Variants in TNRC6B observed in about 807,000 individuals in gnomAD.
The protein encoded by TNRC6B is trinucleotide repeat-containing gene 6B protein.
In TNRC6B, 52 loss-of-function variants were observed where a neutral mutation model predicts 203.6. The observed-to-expected ratio is 0.26, with a 90% confidence interval of 0.20 to 0.32. The LOEUF (loss-of-function observed/expected upper bound fraction) is 0.32. Ranked by LOEUF, TNRC6B falls within the 10% of genes least tolerant of loss-of-function variation. The pLI is 1.00. For missense variants in TNRC6B, 1,923 were observed against 2,286.2 expected (o/e 0.84, Z 3.24); for synonymous variants, 838 against 845.7 (o/e 0.99, Z 0.16).
chr22:40,319,329 C>T (rs537138549), intron 21 of TNRC6B, among the ~76,000 whole-genome samples: 6 of 150,848 alleles, frequency 4.0e-5, no homozygotes, highest in African/African-American at 1.5e-4. Context: ...GATTTCTTAC[C>T]CTTGGTCAAA....
chr22:40,135,777 C>T (rs991839868), intron 3 of TNRC6B, among the ~76,000 whole-genome samples: 6 of 152,066 alleles, frequency 3.9e-5, no homozygotes, highest in African/African-American at 1.5e-4. Flanking sequence ...GCTGAGATTA[C>T]AGATGTGAGC....
At chr22:40,085,927 G>A (rs1381772773) in intron 1 of TNRC6B, among the ~76,000 whole-genome samples, 3 of 152,078 alleles carry the variant, frequency 2.0e-5, no homozygotes, top group Non-Finnish European at 4.4e-5. Context: ...CTGTAGTGCA[G>A]TGGTACAAAC....
chr22:40,136,525 G>A lies in TNRC6B; in HGVS notation c.45+10663G>A, dbSNP rs530523819. On this transcript the variant is annotated intron_variant, in intron 3 of 23. Coordinates refer to the TNRC6B transcript ENST00000301923. ...AGGGATCCTCCTGCCTCAGCCTCCC[G>A]TGTAGCTGGGACCATAGATGCATGC... Among the ~76,000 whole-genome samples the A allele has an allele frequency of 1.1e-3, 168 of 151,680 alleles. 2 individuals carry two copies. Among genetic ancestry groups the A allele is most frequent in the Middle Eastern group, 3.4e-3 (1 of 294 alleles).
intron 15 of TNRC6B, among the ~76,000 whole-genome samples, chr22:40,305,553 C>T (rs2071078254): frequency 6.6e-6 from 1 of 152,216 alleles, no homozygotes; most frequent in African/African-American, 2.4e-5. Flanking sequence ...ATGCATCAGA[C>T]ACATTCCATA....
At chr22:40,147,924 T>A (rs1238244796) in intron 3 of TNRC6B, among the ~76,000 whole-genome samples, 1 of 152,192 alleles carries the variant, frequency 6.6e-6, no homozygotes, top group African/African-American at 2.4e-5. Context: ...GTAGTTTCTT[T>A]TGGAATGATG....
chr22:40,171,276 C>T (rs984417001), intron 4 of TNRC6B, among the ~76,000 whole-genome samples: 1 of 151,410 alleles, frequency 6.6e-6, no homozygotes, highest in African/African-American at 2.4e-5. Flanking sequence ...ATTCTCCTGC[C>T]TCAGCCTCCC....
chr22:40,283,728 A>G (rs926603727), intron 11 of TNRC6B, among the ~76,000 whole-genome samples: 12 of 152,122 alleles, frequency 7.9e-5, no homozygotes, highest in African/African-American at 2.4e-4. Flanking sequence ...CCTAAAACCT[A>G]TGGTGGGGGA....
rs775572218 is a variant in TNRC6B at position 40,321,113 on chromosome 22, G to A, written c.4998G>A (p.Thr1666=). 9.9e-6 allele frequency: 16 copies of A among 1,613,772 alleles called. No individual in the cohort carries two copies. Among genetic ancestry groups the A allele is most frequent in the African/African-American group, 2.7e-5 (2 of 74,898 alleles). ...TPQIDGSTLR[T]ICMQHGPLLT... is the part of the protein sequence containing the mutation. Reference sequence around the variant, plus strand: ...AGATTGATGGGTCAACCTTGAGAACGATCTGCATGCAGCATGGCCCACTGC... The same window carrying A: ...AGATTGATGGGTCAACCTTGAGAACAATCTGCATGCAGCATGGCCCACTGC... Residue 1666 remains threonine, a synonymous_variant, in exon 22 of 23, where the codon ACG becomes ACA. Coordinates refer to ENST00000454349, the MANE Select transcript of TNRC6B (RefSeq NM_001162501.2).
intron 12 of TNRC6B, among the ~76,000 whole-genome samples, chr22:40,290,984 T>C (rs1472768785): frequency 7.9e-5 from 12 of 152,204 alleles, no homozygotes; most frequent in Admixed American, 2.0e-4. Context: ...TTTTGAATTT[T>C]GTTTTATTTA....
At chr22:40,122,753 A>C (rs1185181103) in intron 2 of TNRC6B, among the ~76,000 whole-genome samples, 1 of 152,236 alleles carries the variant, frequency 6.6e-6, no homozygotes, top group African/African-American at 2.4e-5. Flanking sequence ...ATAAGAATTC[A>C]GAGTAGAGAA....
Position 40,266,994 on chromosome 22 carries a change from G to A in TNRC6B, c.2764G>A (p.Glu922Lys), listed in dbSNP as rs755228710. 2 of 1,610,702 alleles carry A rather than the reference G, an allele frequency of 1.2e-6. No homozygotes were observed. The highest frequency in any genetic ancestry group is 1.7e-6 in the Non-Finnish European group (2 of 1,178,312). Residue 922 changes from glutamate (E) to lysine (K), a missense_variant, in exon 5 of 23, where the codon GAA becomes AAA. This residue lies in a region of TNRC6B where 599 missense variants were observed against 656.5 expected (regional missense o/e 0.91). Transcript: ENST00000454349. Reference protein sequence around the residue: ...KNSQGGPAPREPNLPTPMTSK... With the variant: ...KNSQGGPAPRKPNLPTPMTSK... ...TTCCCAAGGGGGCCCAGCACCTCGA[G>A]AACCAAACCTGCCCACCCCAATGAC...
intron 1 of TNRC6B, among the ~76,000 whole-genome samples, chr22:40,096,714 A>T (rs997332334): frequency 3.9e-5 from 6 of 152,112 alleles, no homozygotes; most frequent in Middle Eastern, 3.2e-3. Flanking sequence ...GAATGTCTAT[A>T]AAAAAAAGTT....
At chr22:40,249,395 T>C (rs1357600791) in intron 2 of TNRC6B, among the ~76,000 whole-genome samples, 2 of 152,238 alleles carry the variant, frequency 1.3e-5, no homozygotes, top group Non-Finnish European at 2.9e-5. Context: ...CCAGTGTTCA[T>C]TGGTTGTAGC....
chr22:40,265,605 G>A lies in TNRC6B; in HGVS notation c.1375G>A (p.Gly459Arg). Residue 459 changes from glycine (G) to arginine (R), a missense_variant, in exon 5 of 23, where the codon GGA becomes AGA. Transcript: ENST00000454349. ...NGKEREDSWK[G>R]ASVQKSTGSK... The stretch of plus-strand genomic sequence containing the variant: ...AAAAGAGAGAGAGGACTCCTGGAAA[G>A]GAGCTTCTGTTCAGAAATCAACTGG... The A allele has an allele frequency of 6.2e-7, 1 of 1,613,826 alleles. No individual in the cohort carries two copies. The highest frequency in any genetic ancestry group is 8.5e-7 in the Non-Finnish European group (1 of 1,179,802).
chr22:40,226,305 G>T (rs1221889893), intron 1 of TNRC6B, among the ~76,000 whole-genome samples: 1 of 152,102 alleles, frequency 6.6e-6, no homozygotes, highest in Non-Finnish European at 1.5e-5. Context: ...ATTCAGAGTT[G>T]ATTTTCTTGT....
At chr22:40,157,991 T>G (rs999819466) in intron 4 of TNRC6B, among the ~76,000 whole-genome samples, 1 of 152,124 alleles carries the variant, frequency 6.6e-6, no homozygotes, top group African/African-American at 2.4e-5. Context: ...GCTATGCTCT[T>G]GAAAAATACT....
In TNRC6B at chr22:40,265,244, A is replaced by C; in HGVS notation, c.1014A>C (p.Thr338=). 1 of 1,614,064 alleles carries C rather than the reference A, an allele frequency of 6.2e-7. No individual in the cohort carries two copies. The highest frequency in any genetic ancestry group is 8.5e-7 in the Non-Finnish European group (1 of 1,179,902). The change falls in exon 5 of 23, where the codon ACA becomes ACC. Residue 338 remains threonine, a synonymous_variant. Coordinates refer to ENST00000454349, the MANE Select transcript of TNRC6B (RefSeq NM_001162501.2). ...GTAATTCCAGTGCACAGGTTAGCACAGTAGGTCAGACATCCAGGGAACAGC... is the reference window on the plus strand; with the variant it reads ...GTAATTCCAGTGCACAGGTTAGCACCGTAGGTCAGACATCCAGGGAACAGC... ...DNSNSSAQVS[T]VGQTSREQQS...
rs879148974 is a variant in TNRC6B, at chr22:40,323,311, T to G, written c.*70T>G. On this transcript the variant is annotated 3_prime_UTR_variant, in exon 23 of 23. Coordinates refer to ENST00000454349, the MANE Select transcript of TNRC6B (RefSeq NM_001162501.2). ...CAGCAGCACTAACTTGACCTTTTCG[T>G]TTTTTTTTTCAACTTGCAATAAATA... 22 of 1,405,286 alleles carry G rather than the reference T, an allele frequency of 1.6e-5. No individual in the cohort carries two copies. The highest frequency in any genetic ancestry group is 2.0e-5 in the Non-Finnish European group (21 of 1,061,198). The allele number at this position is 1,405,286 out of a possible 1,614,324, so 87.1% of individuals were successfully genotyped here. A position where few individuals can be genotyped will look rare whatever the true frequency, so the allele number is the denominator to read the frequency against.
At chr22:40,055,755 G>A (rs1016445352) in intron 1 of TNRC6B, among the ~76,000 whole-genome samples, 1 of 152,174 alleles carries the variant, frequency 6.6e-6, no homozygotes, top group East Asian at 1.9e-4. Flanking sequence ...AGCAGAGAGT[G>A]TAAAGGAAGT....
Sources: allele counts gnomAD v4.1 joint callset (sites outside exome capture counted in the v4.1 genomes callset), GRCh38; gene constraint gnomAD v4.1.1; regional missense constraint gnomAD v4.1.1; transcripts MANE v1.5; gene names NCBI Gene and HGNC (gene_info 2026-07-23, HGNC 2026-07-21).